Variants in PKP4 observed in about 807,000 individuals in gnomAD.
The protein encoded by PKP4 is plakophilin-4.
A neutral mutation model predicts 145.1 loss-of-function variants in PKP4; 90 were observed. That is an observed-to-expected ratio of 0.62 (90% CI 0.52 to 0.74). The LOEUF (loss-of-function observed/expected upper bound fraction) is 0.74, where lower values mean the gene tolerates loss of function less well. PKP4 is among the 30% of genes least tolerant of loss of function. The probability of loss-of-function intolerance (pLI) is 0.00; values close to 1 mark genes in which losing one functional copy is unlikely to be tolerated. For missense variants in PKP4, 1,340 were observed against 1,482.7 expected (o/e 0.90, Z 1.58); for synonymous variants, 563 against 577.2 (o/e 0.98, Z 0.35).
At chr2:158,630,766 A>T (rs914235434) in intron 7 of PKP4, among the ~76,000 whole-genome samples, 3 of 152,214 alleles carry the variant, frequency 2.0e-5, no homozygotes, top group Non-Finnish European at 1.5e-5. Context: ...TGCTCATATA[A>T]AGCTTTTAAA....
intron 3 of PKP4, among the ~76,000 whole-genome samples, chr2:158,600,277 T>G (rs1436418991): frequency 6.6e-6 from 1 of 152,208 alleles, no homozygotes; most frequent in Non-Finnish European, 1.5e-5. Flanking sequence ...AAAGTTATCA[T>G]GGGTGACTCA....
intron 1 of PKP4, among the ~76,000 whole-genome samples, chr2:158,511,813 T>C (rs1574196342): frequency 6.6e-6 from 1 of 152,134 alleles, no homozygotes; most frequent in South Asian, 2.1e-4. Flanking sequence ...ATTTTACACA[T>C]GAAGTAGAAG....
At chr2:158,522,173 TAGTA>T (rs1285652116) in intron 1 of PKP4, among the ~76,000 whole-genome samples, 2 of 152,192 alleles carry the variant, frequency 1.3e-5, no homozygotes, top group Non-Finnish European at 2.9e-5. Context: ...CAAAAATTAT[TAGTA>T]AGGCGAGTAG....
At chr2:158,592,363 T>C (rs1158050155) in intron 3 of PKP4, among the ~76,000 whole-genome samples, 1 of 152,048 alleles carries the variant, frequency 6.6e-6, no homozygotes, top group African/African-American at 2.4e-5. Context: ...TCCTTATGGG[T>C]CCACTCTTTT....
At chr2:158,609,706 AT>A (rs1189578517) in intron 4 of PKP4, among the ~76,000 whole-genome samples, 1 of 152,174 alleles carries the variant, frequency 6.6e-6, no homozygotes, top group East Asian at 1.9e-4. Context: ...TTTGAATTGG[AT>A]TTTTAAATAG....
chr2:158,602,382 A>T (rs1362027116), intron 3 of PKP4, among the ~76,000 whole-genome samples: 1 of 152,244 alleles, frequency 6.6e-6, no homozygotes, highest in African/African-American at 2.4e-5. Context: ...CTAGCATTTA[A>T]TAAATGCTTA....
chr2:158,654,209 G>A (rs1327560331), intron 11 of PKP4, among the ~76,000 whole-genome samples: 1 of 152,194 alleles, frequency 6.6e-6, no homozygotes, highest in South Asian at 2.1e-4. Flanking sequence ...GTGTTACATG[G>A]TGAAGTGCAG....
intron 2 of PKP4, 42 bp downstream of exon 2, chr2:158,533,358 A>G: frequency 5.6e-6 from 9 of 1,604,916 alleles, no homozygotes; most frequent in Non-Finnish European, 7.7e-6. Flanking sequence ...TATTTCTTTA[A>G]TGCCTTTAAA....
At chr2:158,548,352 G>A (rs183903886) in intron 2 of PKP4, 1 of 152,234 alleles carries the variant, frequency 6.6e-6, no homozygotes, top group East Asian at 1.9e-4. Context: ...GCTTCTTTAT[G>A]TTAACCCTGA....
intron 6 of PKP4, among the ~76,000 whole-genome samples, chr2:158,624,564 T>C (rs181282240): frequency 5.0e-4 from 76 of 152,012 alleles, no homozygotes; most frequent in African/African-American, 1.7e-3. Context: ...ACATTTTATG[T>C]GCTGTGAAAA....
At chr2:158,478,247 T>C (rs750867922) in intron 1 of PKP4, among the ~76,000 whole-genome samples, 2 of 151,782 alleles carry the variant, frequency 1.3e-5, no homozygotes, top group Non-Finnish European at 2.9e-5. Flanking sequence ...TTCAGAAAAA[T>C]TACTTCTGAA....
intron 1 of PKP4, among the ~76,000 whole-genome samples, chr2:158,520,866 T>C (rs2042312049): frequency 6.6e-6 from 1 of 152,252 alleles, no homozygotes; most frequent in Non-Finnish European, 1.5e-5. Flanking sequence ...ACCTTGCTTC[T>C]TTTATTCAGT....
At position 158,673,680 on chromosome 2, in the gene PKP4, A is replaced by G. The variant is rs772085301; in HGVS notation, c.2928A>G (p.Ser976=). 2.5e-6 allele frequency: 4 copies of G among 1,608,774 alleles called. No individual in the cohort carries two copies. The East Asian group carries it at 6.7e-5, about 27-fold the overall frequency. Residue 976 remains serine (S), a synonymous_variant, in exon 18 of 22, where the codon TCA becomes TCG. Transcript: ENST00000389759. ...AATATCCTTGCTCTCTACCTAGATCATCTCTGAAAGTGGTGAAGGCAGCAG... is the reference window on the plus strand; with the variant it reads ...AATATCCTTGCTCTCTACCTAGATCGTCTCTGAAAGTGGTGAAGGCAGCAG... ...VNITKGRGDR[S]SLKVVKAAAQ... is the part of the protein sequence containing the mutation.
intron 1 of PKP4, among the ~76,000 whole-genome samples, chr2:158,516,123 T>C (rs1299058044): frequency 1.3e-5 from 2 of 151,852 alleles, no homozygotes; most frequent in Admixed American, 1.3e-4. Flanking sequence ...TTAAACAGGT[T>C]CTTTTTTTCA....
intron 1 of PKP4, among the ~76,000 whole-genome samples, chr2:158,488,312 G>T (rs375918031): frequency 6.6e-6 from 1 of 152,214 alleles, no homozygotes; most frequent in Non-Finnish European, 1.5e-5. Flanking sequence ...CCTGACTAAA[G>T]TTCCTTCAGC....
intron 2 of PKP4, among the ~76,000 whole-genome samples, chr2:158,544,885 G>A (rs1227644382): frequency 3.3e-5 from 5 of 152,160 alleles, no homozygotes; most frequent in African/African-American, 4.8e-5. Flanking sequence ...ATTTAAGGAA[G>A]CTAGAGCTTA....
chr2:158,590,102 C>G (rs1427701959), intron 3 of PKP4, among the ~76,000 whole-genome samples: 1 of 152,068 alleles, frequency 6.6e-6, no homozygotes, highest in Non-Finnish European at 1.5e-5. Context: ...TCAATATAAT[C>G]TGTTTTTGCA....
At chr2:158,617,999 G>A (rs995746057) in intron 4 of PKP4, among the ~76,000 whole-genome samples, 1 of 152,076 alleles carries the variant, frequency 6.6e-6, no homozygotes, top group Non-Finnish European at 1.5e-5. Flanking sequence ...CCTGGCCAAC[G>A]TGGTGAAACC....
At chr2:158,589,851 G>A (rs914739002) in intron 3 of PKP4, among the ~76,000 whole-genome samples, 1 of 152,016 alleles carries the variant, frequency 6.6e-6, no homozygotes, top group Non-Finnish European at 1.5e-5. Context: ...AACTACCCTA[G>A]ACAGCTCTAA....
Sources: gnomAD v4.1 joint callset for allele counts (sites outside exome capture counted in the v4.1 genomes callset) on GRCh38, gnomAD v4.1.1 for gene constraint, MANE v1.5 for transcripts, NCBI Gene and HGNC (gene_info 2026-07-23, HGNC 2026-07-21) for gene names.